Variants in DGKB observed in about 807,000 individuals in gnomAD.
DGKB encodes diacylglycerol kinase beta, also known as 90 kDa diacylglycerol kinase.
DGKB carries 67 observed loss-of-function variants against 114.3 expected under a neutral mutation model. The ratio of observed to expected loss-of-function variants is 0.59; its 90% CI spans 0.48 to 0.72. The LOEUF (loss-of-function observed/expected upper bound fraction) is 0.72. Among genes scored for constraint, DGKB ranks in the 30% least tolerant of loss-of-function variants. The pLI, the probability that DGKB is intolerant of heterozygous loss-of-function variation, is 0.00. For missense variants in DGKB, 907 were observed against 975.2 expected (o/e 0.93, Z 0.93); for synonymous variants, 398 against 323.1 (o/e 1.23, Z -2.49).
intron 20 of DGKB, among the ~76,000 whole-genome samples, chr7:14,559,352 C>T (rs1041556206): frequency 7.9e-5 from 12 of 152,110 alleles, no homozygotes; most frequent in Admixed American, 7.9e-4. Context: ...GCTCTGCAGT[C>T]CTCCTACATC....
chr7:14,685,380 G>A lies in DGKB; in HGVS notation c.712-18C>T, dbSNP rs368201267. On this transcript the variant is annotated intron_variant, in intron 9 of 25. Transcript: ENST00000402815. ...TTCACGTTCTGCATGGGACGTAAGA[G>A]AAACAGATTTCACTTAATGAAATAA... 14 of 1,558,278 alleles carry A rather than the reference G, an allele frequency of 9.0e-6. No individual in the cohort carries two copies. The highest frequency in any genetic ancestry group is 1.7e-4 in the Middle Eastern group (1 of 6,008).
intron 13 of DGKB, among the ~76,000 whole-genome samples, chr7:14,631,014 C>T (rs940876197): frequency 2.7e-5 from 4 of 150,922 alleles, no homozygotes; most frequent in African/African-American, 9.7e-5. Context: ...ACAAATCACA[C>T]ACACAATACT....
intron 14 of DGKB, 141 bp downstream of exon 14, chr7:14,630,095 A>G (rs970477519): frequency 1.1e-5 from 5 of 475,548 alleles, no homozygotes; most frequent in Non-Finnish European, 1.8e-5. Flanking sequence ...ACCACTTCCA[A>G]TTAGCAGAAT....
chr7:14,934,892 T>C (rs1785198217), intron 1 of DGKB, among the ~76,000 whole-genome samples: 1 of 152,192 alleles, frequency 6.6e-6, no homozygotes, highest in Non-Finnish European at 1.5e-5. Context: ...CTGAAACTAA[T>C]GAAAGTAAAC....
intron 21 of DGKB, among the ~76,000 whole-genome samples, chr7:14,436,395 TTTGA>T (rs1435426942): frequency 6.6e-6 from 1 of 152,092 alleles, no homozygotes; most frequent in African/African-American, 2.4e-5. Context: ...TTAACAAGAC[TTTGA>T]TTGACTTGCC....
At chr7:14,653,242 C>T (rs1814992401) in intron 13 of DGKB, among the ~76,000 whole-genome samples, 1 of 150,104 alleles carries the variant, frequency 6.7e-6, no homozygotes, top group Admixed American at 6.6e-5. Flanking sequence ...ACAGCAAAGA[C>T]TTGGAACCAA....
chr7:14,545,251 A>G (rs749892756), intron 20 of DGKB, among the ~76,000 whole-genome samples: 2 of 152,176 alleles, frequency 1.3e-5, no homozygotes, highest in African/African-American at 2.4e-5. Flanking sequence ...GGGAAAAATG[A>G]TTAAGGGTGA....
intron 10 of DGKB, among the ~76,000 whole-genome samples, chr7:14,684,294 C>T (rs1296671088): frequency 6.6e-6 from 1 of 151,950 alleles, no homozygotes; most frequent in African/African-American, 2.4e-5. Flanking sequence ...AACAAAAAAC[C>T]TATAAACCAT....
intron 1 of DGKB, among the ~76,000 whole-genome samples, chr7:14,937,590 C>T (rs1189489367): frequency 2.6e-5 from 4 of 152,126 alleles, no homozygotes; most frequent in African/African-American, 9.7e-5. Context: ...ATCTGAAACA[C>T]AATGAGAAAT....
Position 14,574,123 on chromosome 7 carries a change from T to C in DGKB, c.1770+89A>G, listed in dbSNP as rs1798773361. 18 of 1,026,002 alleles carry C rather than the reference T, an allele frequency of 1.8e-5. No homozygotes were observed. The South Asian group carries it at 3.0e-4, about 17-fold the overall frequency. The allele number at this position is 1,026,002 out of a possible 1,614,324, so 63.6% of individuals were successfully genotyped here. A position where few individuals can be genotyped will look rare whatever the true frequency, so the allele number is the denominator to read the frequency against. On this transcript the variant is annotated intron_variant, in intron 20 of 25. Coordinates refer to ENST00000402815, the MANE Select transcript of DGKB (RefSeq NM_001350709.2). ...GGCACAAAAGGTAAAATAAGTTATT[T>C]ATAATCAGTAAATTTTCATAGTTTA...
intron 23 of DGKB, among the ~76,000 whole-genome samples, chr7:14,305,276 C>T (rs1804277988): frequency 1.3e-5 from 2 of 151,942 alleles, no homozygotes; most frequent in Admixed American, 1.3e-4. Context: ...TCTTTTTGAC[C>T]CCTTCTCTCT....
chr7:14,828,913 AGAG>A (rs1846054674), intron 2 of DGKB, among the ~76,000 whole-genome samples: 1 of 152,148 alleles, frequency 6.6e-6, no homozygotes, highest in Non-Finnish European at 1.5e-5. Context: ...TGAAGTTGCC[AGAG>A]GAGATCAGAG....
chr7:14,834,889 T>C (rs1055631882), intron 2 of DGKB, among the ~76,000 whole-genome samples: 2 of 152,114 alleles, frequency 1.3e-5, no homozygotes, highest in Non-Finnish European at 2.9e-5. Context: ...ACGAAAATTA[T>C]GGGAGTTTAG....
Position 14,825,710 on chromosome 7 carries a change from G to A in DGKB, c.70+15484C>T, listed in dbSNP as rs75051823. Among the ~76,000 whole-genome samples, 6 of 152,188 alleles carry A rather than the reference G, an allele frequency of 3.9e-5. No individual in the cohort carries two copies. The South Asian group carries it at 1.0e-3, about 26-fold the overall frequency. On this transcript the variant is annotated intron_variant, in intron 2 of 25. Transcript: ENST00000402815. ...TGGTACCAGTACAGGTCAGTGGCAG[G>A]GGTATTGAGGACCCCTGTTTTAGAT... is the stretch of plus-strand genomic sequence containing the variant.
chr7:14,246,632 G>A (rs1253202768), intron 23 of DGKB, among the ~76,000 whole-genome samples: 1 of 152,206 alleles, frequency 6.6e-6, no homozygotes, highest in East Asian at 1.9e-4. Flanking sequence ...GGTAACTTTA[G>A]CAAATGTGGC....
At chr7:14,609,364 T>C (rs1045407367) in intron 16 of DGKB, among the ~76,000 whole-genome samples, 9 of 152,094 alleles carry the variant, frequency 5.9e-5, no homozygotes, top group Admixed American at 2.6e-4. Flanking sequence ...ACTGGACTCT[T>C]TTCTTTCACC....
At chr7:14,476,275 G>C (rs1276471579) in intron 21 of DGKB, among the ~76,000 whole-genome samples, 1 of 151,580 alleles carries the variant, frequency 6.6e-6, no homozygotes, top group Admixed American at 6.6e-5. Context: ...GGATATTTGA[G>C]GTGTATAATC....
At chr7:14,453,830 A>G (rs1831884452) in intron 21 of DGKB, among the ~76,000 whole-genome samples, 1 of 152,090 alleles carries the variant, frequency 6.6e-6, no homozygotes. Flanking sequence ...GTTCCACAAA[A>G]CATTCCTTTT....
At chr7:14,172,817 T>C (rs1301509611) in intron 25 of DGKB, among the ~76,000 whole-genome samples, 1 of 152,162 alleles carries the variant, frequency 6.6e-6, no homozygotes, top group Non-Finnish European at 1.5e-5. Context: ...TTACCTAGTC[T>C]ATGTCCTCTC....
Sources: gnomAD v4.1 joint callset for allele counts (sites outside exome capture counted in the v4.1 genomes callset) on GRCh38, gnomAD v4.1.1 for gene constraint, MANE v1.5 for transcripts, NCBI Gene and HGNC (gene_info 2026-07-23, HGNC 2026-07-21) for gene names.